Variants in ETV1 observed in about 807,000 individuals in gnomAD.
ETV1 encodes the protein ETS translocation variant 1.
A neutral mutation model predicts 62.3 loss-of-function variants in ETV1; 27 were observed. The ratio of observed to expected loss-of-function variants is 0.43; its 90% CI spans 0.32 to 0.60. The LOEUF (loss-of-function observed/expected upper bound fraction) is 0.60. Among genes scored for constraint, ETV1 ranks in the 20% least tolerant of loss-of-function variants. The probability of loss-of-function intolerance (pLI) is 0.06; values close to 1 mark genes in which losing one functional copy is unlikely to be tolerated. For synonymous variants in ETV1, 222 were observed against 199.6 expected (o/e 1.11, Z -0.94); for missense variants, 605 against 605.8 (o/e 1.00, Z 0.01).
At chr7:13,985,016 G>A (rs1782409531) in intron 5 of ETV1, among the ~76,000 whole-genome samples, 1 of 151,816 alleles carries the variant, frequency 6.6e-6, no homozygotes, top group African/African-American at 2.4e-5. Flanking sequence ...GAGTTGCTAT[G>A]CACATTCAAA....
chr7:13,947,987 G>GT (rs1788370630), intron 6 of ETV1, among the ~76,000 whole-genome samples: 1 of 152,162 alleles, frequency 6.6e-6, no homozygotes, highest in South Asian at 2.1e-4. Flanking sequence ...ACATGTATCT[G>GT]TATGTATGAC....
chr7:13,988,130 C>T lies in ETV1; in HGVS notation c.89G>A (p.Arg30Lys). The T allele has an allele frequency of 3.1e-6, 5 of 1,613,072 alleles. No homozygotes were observed. The highest frequency in any genetic ancestry group is 1.3e-5 in the African/African-American group (1 of 74,940). ...ATCTCTGTTAATGAATTTTCTTTTC[C>T]TGACATTTGTTGGTTTCTCGTTACA... is the stretch of plus-strand genomic sequence containing the variant. ...RNCNEKPTNV[R>K]KRKFINRDLA... Residue 30 changes from arginine (R) to lysine (K), a missense_variant, in exon 4 of 14, where the codon AGG becomes AAG. By Grantham distance (26) the Arg-to-Lys change is conservative. Coordinates refer to ENST00000430479, the MANE Select transcript of ETV1 (RefSeq NM_004956.5).
chr7:13,903,343 C>T (rs1345531043), intron 12 of ETV1, among the ~76,000 whole-genome samples: 1 of 152,154 alleles, frequency 6.6e-6, no homozygotes, highest in East Asian at 1.9e-4. Context: ...GAATATGTAA[C>T]ACTGAACCTG....
Position 13,897,994 on chromosome 7 carries a change from T to C in ETV1, c.1213-1907A>G, listed in dbSNP as rs1043995373. Among the ~76,000 whole-genome samples, 7 of 152,314 alleles carry C rather than the reference T, an allele frequency of 4.6e-5. No individual in the cohort carries two copies. The East Asian group carries it at 7.7e-4, about 17-fold the overall frequency. Reference sequence around the variant, plus strand: ...AATAAATGAATTAAAATGTGTAACATGCAATCAAGCTTATGCAATCTCTCA... The same window carrying C: ...AATAAATGAATTAAAATGTGTAACACGCAATCAAGCTTATGCAATCTCTCA... On this transcript the variant is annotated intron_variant, in intron 13 of 13. Transcript: ENST00000430479.
intron 6 of ETV1, among the ~76,000 whole-genome samples, chr7:13,944,353 C>G (rs1332539465): frequency 1.3e-5 from 2 of 152,172 alleles, no homozygotes; most frequent in East Asian, 3.9e-4. Context: ...AAGCTCACTT[C>G]CTGGTTCACA....
intron 13 of ETV1, among the ~76,000 whole-genome samples, chr7:13,896,358 T>C (rs1001965235): frequency 3.3e-5 from 5 of 152,204 alleles, no homozygotes; most frequent in African/African-American, 1.2e-4. Context: ...AGGAATTTGC[T>C]TGTCTTAATA....
At chr7:13,940,144 C>T (rs568927194) in intron 6 of ETV1, among the ~76,000 whole-genome samples, 2 of 152,120 alleles carry the variant, frequency 1.3e-5, no homozygotes, top group Admixed American at 6.5e-5. Flanking sequence ...AAGTGGATCA[C>T]CTGAGGTCAG....
At chr7:13,899,682 A>C (rs1782211756) in intron 13 of ETV1, among the ~76,000 whole-genome samples, 1 of 152,264 alleles carries the variant, frequency 6.6e-6, no homozygotes. Flanking sequence ...TTCACAGTCA[A>C]AGCAATTAGA....
chr7:13,988,739 G>A, intron 3 of ETV1: 1 of 1,612,690 alleles, frequency 6.2e-7, no homozygotes, highest in Non-Finnish European at 8.5e-7. Context: ...AGCAGCTGCT[G>A]CTGCCCTCCA....
In ETV1 at chr7:13,906,618, A is replaced by G; in HGVS notation, c.941-19T>C. 6.4e-7 allele frequency: 1 copy of G among 1,563,184 alleles called. No homozygotes were observed. The highest frequency in any genetic ancestry group is 8.7e-7 in the Non-Finnish European group (1 of 1,153,860). On this transcript the variant is annotated intron_variant, in intron 11 of 13. Coordinates refer to ENST00000430479, the MANE Select transcript of ETV1 (RefSeq NM_004956.5). ...ATGTCTCCTAAATTAAAACATTTTT[A>G]AGTTTCTATTATTAGCAATACTATG...
chr7:13,981,420 A>G (rs903184084), intron 5 of ETV1, among the ~76,000 whole-genome samples: 1 of 152,118 alleles, frequency 6.6e-6, no homozygotes, highest in Non-Finnish European at 1.5e-5. Context: ...GACTTGCAAT[A>G]TAAACACACC....
At chr7:13,969,339 C>T (rs765605355) in intron 6 of ETV1, among the ~76,000 whole-genome samples, 29 of 152,194 alleles carry the variant, frequency 1.9e-4, no homozygotes, top group Non-Finnish European at 3.2e-4. Flanking sequence ...ATATAGCCTT[C>T]GCTTTTTGAT....
At chr7:13,926,120 G>C (rs1398229481) in intron 9 of ETV1, among the ~76,000 whole-genome samples, 2 of 151,894 alleles carry the variant, frequency 1.3e-5, no homozygotes, top group Non-Finnish European at 2.9e-5. Context: ...TCTTTTACAA[G>C]TACCCATAAC....
At chr7:13,909,578 G>T in intron 11 of ETV1, 54 bp downstream of exon 11, 4 of 1,267,384 alleles carry the variant, frequency 3.2e-6, no homozygotes, top group Non-Finnish European at 4.6e-6. Flanking sequence ...AGAAGCGAAG[G>T]TAATCACTCC....
At chr7:13,986,430 T>G in intron 5 of ETV1, 1 of 1,489,472 alleles carries the variant, frequency 6.7e-7, no homozygotes, top group Non-Finnish European at 8.9e-7. Flanking sequence ...AAGCAATTTC[T>G]CCTGGTAATT....
intron 8 of ETV1, among the ~76,000 whole-genome samples, chr7:13,933,332 T>C (rs1328224123): frequency 6.6e-6 from 1 of 152,202 alleles, no homozygotes; most frequent in Non-Finnish European, 1.5e-5. Flanking sequence ...GGTGCAATTC[T>C]TAGGAGCCAC....
chr7:13,926,997 G>C (rs1785499825), intron 9 of ETV1, among the ~76,000 whole-genome samples: 1 of 151,994 alleles, frequency 6.6e-6, no homozygotes, highest in Non-Finnish European at 1.5e-5. Flanking sequence ...ATTAATGTCA[G>C]GCTTTATTAG....
At chr7:13,910,550 A>C (rs2128419549) in intron 10 of ETV1, 1 of 499,628 alleles carries the variant, frequency 2.0e-6, no homozygotes, top group Admixed American at 6.4e-5. Context: ...TACACAAAAT[A>C]ACCAATATTA....
Position 13,935,880 on chromosome 7 carries a change from G to T in ETV1, c.382C>A (p.Pro128Thr), listed in dbSNP as rs2128456258. 6.2e-7 allele frequency: 1 copy of T among 1,613,528 alleles called. No homozygotes were observed. Among genetic ancestry groups the T allele is most frequent in the Non-Finnish European group, 8.5e-7 (1 of 1,179,606 alleles). The change falls in exon 8 of 14, where the codon CCA (proline) becomes ACA (threonine). Residue 128 changes from proline (P) to threonine (T), a missense_variant. Pro to Thr is a conservative substitution (Grantham distance 38). This residue lies in a region of ETV1 where 426 missense variants were observed against 377.8 expected (regional missense o/e 1.13). Transcript: ENST00000430479. ...LYNVSAYDQKPQVGMRPSNPP... is the reference protein window; with the variant it reads ...LYNVSAYDQKTQVGMRPSNPP... ...TTGGAGGGCCTCATTCCCACTTGTGGCTTCTGATCATAGGCACTACCCAGG... is the reference window on the plus strand; with the variant it reads ...TTGGAGGGCCTCATTCCCACTTGTGTCTTCTGATCATAGGCACTACCCAGG...
Sources: gnomAD v4.1 joint callset for allele counts (sites outside exome capture counted in the v4.1 genomes callset) on GRCh38, gnomAD v4.1.1 for gene constraint, gnomAD v4.1.1 regional missense constraint, MANE v1.5 for transcripts, NCBI Gene and HGNC (gene_info 2026-07-23, HGNC 2026-07-21) for gene names.